Variants in UNC13C observed in about 807,000 individuals in gnomAD.
UNC13C encodes unc-13 homolog C, also known as protein unc-13 homolog C.
UNC13C carries 174 observed loss-of-function variants against 245.4 expected under a neutral mutation model. That is an observed-to-expected ratio of 0.71 (90% CI 0.63 to 0.80). The LOEUF (loss-of-function observed/expected upper bound fraction) is 0.80. UNC13C is among the 30% of genes least tolerant of loss of function. The pLI is 0.00. For missense variants in UNC13C, 2,829 were observed against 2,602.9 expected, an observed-to-expected ratio of 1.09 and a Z score of -1.89; for synonymous variants, 992 against 895.1, an observed-to-expected ratio of 1.11 and a Z score of -1.93.
the UNC13C span, among the ~76,000 whole-genome samples, chr15:53,909,601 C>G: frequency 1.4e-5 from 2 of 146,322 alleles, no homozygotes; most frequent in Non-Finnish European, 3.1e-5. Flanking sequence ...AAAATATTAG[C>G]TGGGTGTGGT....
chr15:53,910,541 G>A, the UNC13C span, among the ~76,000 whole-genome samples: 3 of 146,612 alleles, frequency 2.0e-5, no homozygotes, highest in Non-Finnish European at 4.6e-5. Flanking sequence ...TGGTGGGTGC[G>A]CTGGCGCCCA....
intron 2 of UNC13C, among the ~76,000 whole-genome samples, chr15:54,128,867 A>G (rs2031229291): frequency 6.6e-6 from 1 of 152,122 alleles, no homozygotes; most frequent in South Asian, 2.1e-4. Flanking sequence ...CAGGGGAGTA[A>G]CCTCCTTAGT....
chr15:54,205,141 G>T (rs2034666492), intron 4 of UNC13C, among the ~76,000 whole-genome samples: 1 of 151,884 alleles, frequency 6.6e-6, no homozygotes, highest in East Asian at 1.9e-4. Context: ...TCAGAATCTT[G>T]CTAAATCATA....
At chr15:54,423,349 A>AAATCTC (rs2040692272) in intron 19 of UNC13C, among the ~76,000 whole-genome samples, 1 of 151,794 alleles carries the variant, frequency 6.6e-6, no homozygotes, top group African/African-American at 2.4e-5. Context: ...ATGCCACCTT[A>AAATCTC]AATCTCACAA....
At chr15:54,213,060 G>A (rs551757304) in intron 4 of UNC13C, among the ~76,000 whole-genome samples, 20 of 152,004 alleles carry the variant, frequency 1.3e-4, no homozygotes, top group Non-Finnish European at 1.0e-4. Context: ...TTCAAACCCC[G>A]AGGCAGAAAA....
chr15:54,278,793 TA>T (rs1342945178), intron 10 of UNC13C, among the ~76,000 whole-genome samples: 1 of 152,134 alleles, frequency 6.6e-6, no homozygotes, highest in African/African-American at 2.4e-5. Context: ...TTTTGACCTA[TA>T]AAAATGGAAA....
intron 2 of UNC13C, among the ~76,000 whole-genome samples, chr15:54,088,116 C>G (rs78049243): frequency 0.044 from 6,582 of 151,166 alleles, 430 homozygotes; most frequent in East Asian, 0.3. Flanking sequence ...AAATTGCCTC[C>G]TATATTTTTT....
At chr15:53,896,852 C>T in the UNC13C span, among the ~76,000 whole-genome samples, 1 of 152,102 alleles carries the variant, frequency 6.6e-6, no homozygotes, top group African/African-American at 2.4e-5. Flanking sequence ...TGAATAGAAA[C>T]ATCAGAGACA....
intron 30 of UNC13C, among the ~76,000 whole-genome samples, chr15:54,586,129 A>C (rs1227996869): frequency 6.6e-6 from 1 of 152,224 alleles, no homozygotes; most frequent in African/African-American, 2.4e-5. Flanking sequence ...TAAAACTAGC[A>C]AAAGACTAAG....
chr15:54,487,831 A>G (rs1893500063), intron 19 of UNC13C, among the ~76,000 whole-genome samples: 2 of 151,100 alleles, frequency 1.3e-5, no homozygotes, highest in Admixed American at 1.3e-4. Flanking sequence ...ATAATTTACA[A>G]TTGTGACTAA....
intron 19 of UNC13C, among the ~76,000 whole-genome samples, chr15:54,416,576 C>G (rs1011593491): frequency 6.6e-6 from 1 of 152,146 alleles, no homozygotes. Context: ...CCTTTTACAT[C>G]TCTCTGCTTT....
At chr15:54,057,638 C>A (rs1433859011) in intron 2 of UNC13C, among the ~76,000 whole-genome samples, 1 of 152,140 alleles carries the variant, frequency 6.6e-6, no homozygotes, top group African/African-American at 2.4e-5. Flanking sequence ...AGCTCTCCAC[C>A]CCAAATCAAC....
In UNC13C at chr15:54,572,201, C is replaced by T. The variant is rs143132946; in HGVS notation, c.6106+4254C>T. Among the ~76,000 whole-genome samples, 257 of 152,040 alleles carry T rather than the reference C, an allele frequency of 1.7e-3. 1 individual carries two copies. The highest frequency in any genetic ancestry group is 6.0e-3 in the African/African-American group (250 of 41,484). Reference sequence around the variant, plus strand: ...TGCCCTGACCTCTATGTACACCTCTCCTTGAGGACAAGTAAAAAGGCTCAC... The same window carrying T: ...TGCCCTGACCTCTATGTACACCTCTTCTTGAGGACAAGTAAAAAGGCTCAC... On this transcript the variant is annotated intron_variant, in intron 30 of 32. Transcript: ENST00000260323.
chr15:54,333,986 G>C (rs375644569), intron 16 of UNC13C, 130 bp downstream of exon 16: 9 of 608,280 alleles, frequency 1.5e-5, no homozygotes, highest in African/African-American at 9.2e-5. Context: ...TACTATCTTT[G>C]CCTGAACTCG....
the UNC13C span, among the ~76,000 whole-genome samples, chr15:53,871,792 T>TTAAGA: frequency 6.6e-6 from 1 of 152,168 alleles, no homozygotes; most frequent in Admixed American, 6.6e-5. Flanking sequence ...AAGCAAGTAC[T>TTAAGA]TAAGATAGTC....
the UNC13C span, among the ~76,000 whole-genome samples, chr15:53,850,667 TA>T: frequency 2.4e-3 from 359 of 152,306 alleles, 2 homozygotes; most frequent in African/African-American, 8.3e-3. Flanking sequence ...TGATTTTCTT[TA>T]TGTTAATTCT....
At chr15:54,519,756 G>A (rs187030304) in intron 24 of UNC13C, among the ~76,000 whole-genome samples, 26 of 152,240 alleles carry the variant, frequency 1.7e-4, no homozygotes, top group Admixed American at 1.1e-3. Context: ...AGAGAGGACC[G>A]TGTATTCTTT....
At chr15:54,544,720 C>T (rs900195483) in intron 26 of UNC13C, among the ~76,000 whole-genome samples, 5 of 151,994 alleles carry the variant, frequency 3.3e-5, no homozygotes, top group African/African-American at 1.2e-4. Flanking sequence ...GAATAAAATA[C>T]CAAGGAATAC....
intron 2 of UNC13C, among the ~76,000 whole-genome samples, chr15:54,123,995 T>C (rs2030858212): frequency 2.0e-5 from 3 of 152,178 alleles, no homozygotes; most frequent in African/African-American, 7.2e-5. Flanking sequence ...CATAATGCCC[T>C]GAGATCTATT....
Sources: gnomAD v4.1 joint callset for allele counts (sites outside exome capture counted in the v4.1 genomes callset) on GRCh38, gnomAD v4.1.1 for gene constraint, MANE v1.5 for transcripts, NCBI Gene and HGNC (gene_info 2026-07-23, HGNC 2026-07-21) for gene names.